The following BRCA2 variants were observed in gnomAD, a reference collection of about 807,000 sequenced individuals.
The protein encoded by BRCA2 is BRCA2 DNA repair associated.
A neutral mutation model predicts 276.7 loss-of-function variants in BRCA2; 203 were observed. The ratio of observed to expected loss-of-function variants is 0.73; its 90% confidence interval spans 0.65 to 0.82. BRCA2 has a LOEUF of 0.82. Ranked by LOEUF, BRCA2 falls within the 40% of genes least tolerant of loss-of-function variation. The pLI, the probability that BRCA2 is intolerant of heterozygous loss-of-function variation, is 0.00. For synonymous variants in BRCA2, 1,289 were observed against 1,338.4 expected (o/e 0.96, Z 0.81); for missense variants, 3,920 against 3,915.0 (o/e 1.00, Z -0.03).
chr13:32,336,152 A>T, intron 10 of BRCA2, 113 bp from the exon 11 acceptor site: 1 of 1,226,288 alleles, frequency 8.2e-7, no homozygotes, highest in Non-Finnish European at 1.1e-6. Flanking sequence ...AAGTGCTGAG[A>T]TTACAGGCAT....
chr13:32,382,599 G>A (rs550600152), intron 24 of BRCA2, among the ~76,000 whole-genome samples: 13 of 150,154 alleles, frequency 8.7e-5, no homozygotes, highest in African/African-American at 3.0e-4. Flanking sequence ...GTGGACTGAA[G>A]TGGGGCAAAG....
intron 24 of BRCA2, among the ~76,000 whole-genome samples, chr13:32,391,870 T>C (rs1016022194): frequency 6.6e-6 from 1 of 152,232 alleles, no homozygotes; most frequent in African/African-American, 2.4e-5. Flanking sequence ...GATCCAGACA[T>C]GGAAACCTCC....
rs1555285981 is a variant in BRCA2, at chr13:32,354,878, A to C, written c.7025A>C (p.Gln2342Pro). ...CATTGCAGCACAACTAAGGAACGTC[A>C]AGAGATACAGAATCCAAATTTTACC... ...CVPFRTTKER[Q>P]EIQNPNFTAP... The change falls in exon 14 of 27, where the codon CAA becomes CCA. Residue 2342 changes from glutamine to proline, a missense_variant. Around this residue, in one of 2 missense-constraint regions of BRCA2, gnomAD observed 3,263 missense variants for 3,156.9 expected, o/e 1.03. Coordinates refer to ENST00000380152, the MANE Select transcript of BRCA2 (RefSeq NM_000059.4). The C allele has an allele frequency of 6.2e-7, 1 of 1,602,214 alleles. No individual in the cohort carries two copies. Among genetic ancestry groups the C allele is most frequent in the Non-Finnish European group, 8.6e-7 (1 of 1,169,162 alleles).
chr13:32,324,109 T>A (rs1412767905), intron 3 of BRCA2, among the ~76,000 whole-genome samples: 4 of 152,180 alleles, frequency 2.6e-5, no homozygotes, highest in Admixed American at 6.5e-5. Flanking sequence ...AGGGATACAG[T>A]GACAAATAAG....
In BRCA2 at chr13:32,355,070, T is replaced by C. The variant is rs368577752; in HGVS notation, c.7217T>C (p.Phe2406Ser). 1 of 1,613,888 alleles carries C rather than the reference T, an allele frequency of 6.2e-7. No homozygotes were observed. The highest frequency in any genetic ancestry group is 1.3e-5 in the African/African-American group (1 of 74,932). The change falls in exon 14 of 27, where the codon TTT becomes TCT. Residue 2406 changes from phenylalanine (F) to serine (S), a missense_variant. This residue lies in a region of BRCA2 where 3,263 missense variants were observed against 3,156.9 expected (regional missense o/e 1.03). Coordinates refer to ENST00000380152, the MANE Select transcript of BRCA2 (RefSeq NM_000059.4). ...ACTACAGGCAGACCAACCAAAGTCT[T>C]TGTTCCACCTTTTAAAACTAAATCA... ...LITTGRPTKVFVPPFKTKSHF... is the reference protein window; with the variant it reads ...LITTGRPTKVSVPPFKTKSHF...
chr13:32,320,038 G>A (rs2072296275), intron 3 of BRCA2, among the ~76,000 whole-genome samples: 1 of 152,088 alleles, frequency 6.6e-6, no homozygotes, highest in African/African-American at 2.4e-5. Context: ...TTGAAGATGT[G>A]GTAGAGTGAT....
chr13:32,367,491 A>G (rs375674988), intron 18 of BRCA2, among the ~76,000 whole-genome samples: 26 of 151,880 alleles, frequency 1.7e-4, no homozygotes, highest in East Asian at 9.7e-4. Flanking sequence ...AACAAATGAT[A>G]ACTTCTATTC....
intron 16 of BRCA2, among the ~76,000 whole-genome samples, chr13:32,360,954 G>A (rs1361423935): frequency 6.6e-6 from 1 of 152,198 alleles, no homozygotes; most frequent in Non-Finnish European, 1.5e-5. Flanking sequence ...GTAACTACTA[G>A]AATTGAGAAG....
Position 32,337,508 on chromosome 13 carries a change from G to A in BRCA2, c.3153G>A (p.Leu1051=), listed in dbSNP as rs1566227877. ...CTTGTGTTGAAATTGTAAATACCTT[G>A]GCATTAGATAATCAAAAGAAACTGA... ...SLACVEIVNT[L]ALDNQKKLSK... The change falls in exon 11 of 27, where the codon TTG becomes TTA. Residue 1051 remains leucine (L), a synonymous_variant. Coordinates refer to ENST00000380152, the MANE Select transcript of BRCA2 (RefSeq NM_000059.4). 1 of 1,607,166 alleles carries A rather than the reference G, an allele frequency of 6.2e-7. No individual in the cohort carries two copies. Among genetic ancestry groups the A allele is most frequent in the Non-Finnish European group, 8.5e-7 (1 of 1,176,654 alleles).
intron 12 of BRCA2, 59 bp from the exon 13 acceptor site, chr13:32,346,768 T>C (rs1346825306): frequency 2.1e-6 from 3 of 1,407,008 alleles, no homozygotes; most frequent in Non-Finnish European, 2.9e-6. Context: ...GTATTTACAG[T>C]AACATGGATA....
chr13:32,365,240 G>A (rs192139037), intron 18 of BRCA2, among the ~76,000 whole-genome samples: 7 of 148,234 alleles, frequency 4.7e-5, no homozygotes, highest in African/African-American at 1.2e-4. Context: ...GGGCTCAAAC[G>A]GTCCTCACGC....
rs775060172 is a variant in BRCA2, at chr13:32,336,328, C to T, written c.1973C>T (p.Ser658Phe). 3.7e-6 allele frequency: 6 copies of T among 1,604,480 alleles called. No individual in the cohort carries two copies. Among genetic ancestry groups the T allele is most frequent in the Non-Finnish European group, 5.1e-6 (6 of 1,175,634 alleles). Residue 658 changes from serine (S) to phenylalanine (F), a missense_variant, in exon 11 of 27, where the codon TCC becomes TTC. By Grantham distance (155) the Ser-to-Phe change is radical. Transcript: ENST00000380152. ...SQNDSEEPTL[S>F]LTSSFGTILR... is the part of the protein sequence containing the mutation. ...AATGATTCTGAAGAACCAACTTTGTCCTTAACTAGCTCTTTTGGGACAATT... is the reference window on the plus strand; with the variant it reads ...AATGATTCTGAAGAACCAACTTTGTTCTTAACTAGCTCTTTTGGGACAATT...
chr13:32,383,397 G>A (rs2072938701), intron 24 of BRCA2, among the ~76,000 whole-genome samples: 1 of 152,014 alleles, frequency 6.6e-6, no homozygotes, highest in Non-Finnish European at 1.5e-5. Flanking sequence ...TGAGAGAAGA[G>A]GAAAGGCATG....
At chr13:32,317,977 A>G (rs779024753) in intron 2 of BRCA2, among the ~76,000 whole-genome samples, 1 of 152,194 alleles carries the variant, frequency 6.6e-6, no homozygotes, top group Admixed American at 6.5e-5. Flanking sequence ...TATGCTTCCT[A>G]TTTTGTCAGA....
intron 18 of BRCA2, among the ~76,000 whole-genome samples, chr13:32,364,661 A>G (rs1231107493): frequency 6.6e-6 from 1 of 152,190 alleles, no homozygotes; most frequent in Non-Finnish European, 1.5e-5. Flanking sequence ...GCTTTCCATG[A>G]AGTTATTAAC....
At chr13:32,396,455 C>A (rs974721453) in intron 25 of BRCA2, among the ~76,000 whole-genome samples, 1 of 152,214 alleles carries the variant, frequency 6.6e-6, no homozygotes, top group African/African-American at 2.4e-5. Flanking sequence ...ACCTATAAAT[C>A]ATTTCAATTA....
At chr13:32,362,068 G>C (rs1285192174) in intron 16 of BRCA2, among the ~76,000 whole-genome samples, 1 of 152,054 alleles carries the variant, frequency 6.6e-6, no homozygotes, top group Non-Finnish European at 1.5e-5. Flanking sequence ...TCTTGTCCAG[G>C]CTGGAGTGCA....
chr13:32,362,777 T>C, intron 17 of BRCA2, 84 bp downstream of exon 17: 1 of 1,484,488 alleles, frequency 6.7e-7, no homozygotes. Context: ...CATGTCAAAA[T>C]GTTGCACAAG....
chr13:32,353,028 G>A (rs528984340), intron 13 of BRCA2, among the ~76,000 whole-genome samples: 19 of 152,278 alleles, frequency 1.2e-4, no homozygotes, highest in Middle Eastern at 3.4e-3. Flanking sequence ...GAAGTTTGGG[G>A]ACAGAAGGTT....
Sources: gnomAD v4.1 joint callset for allele counts (sites outside exome capture counted in the v4.1 genomes callset) on GRCh38, gnomAD v4.1.1 for gene constraint, gnomAD v4.1.1 regional missense constraint, MANE v1.5 for transcripts, NCBI Gene and HGNC (gene_info 2026-07-23, HGNC 2026-07-21) for gene names.